Variants in PTPRD observed in about 807,000 individuals in gnomAD.
The protein encoded by PTPRD is receptor-type tyrosine-protein phosphatase delta.
Under a neutral mutation model 214.5 loss-of-function variants are expected in PTPRD, and 34 were observed. The observed-to-expected ratio is 0.16, with a 90% CI of 0.12 to 0.21. The LOEUF is 0.21. Among genes scored for constraint, PTPRD ranks in the 10% least tolerant of loss-of-function variants. The probability of loss-of-function intolerance (pLI) is 1.00; values close to 1 mark genes in which losing one functional copy is unlikely to be tolerated. For missense variants in PTPRD, 2,545 were observed against 2,398.7 expected, an observed-to-expected ratio of 1.06 and a Z score of -1.27; for synonymous variants, 1,128 against 845.7, an observed-to-expected ratio of 1.33 and a Z score of -5.79.
intron 4 of PTPRD, among the ~76,000 whole-genome samples, chr9:9,985,310 T>C (rs576253005): frequency 6.6e-6 from 1 of 152,352 alleles, no homozygotes; most frequent in South Asian, 2.1e-4. Context: ...TTTTTCATGA[T>C]TTTATAATTT....
At chr9:8,622,501 A>T (rs2095853761) in intron 14 of PTPRD, among the ~76,000 whole-genome samples, 1 of 151,976 alleles carries the variant, frequency 6.6e-6, no homozygotes, top group Non-Finnish European at 1.5e-5. Flanking sequence ...AGACTTTATT[A>T]TCTCCAACCA....
intron 4 of PTPRD, among the ~76,000 whole-genome samples, chr9:9,967,228 T>G (rs2094767957): frequency 6.6e-6 from 1 of 152,188 alleles, no homozygotes; most frequent in South Asian, 2.1e-4. Context: ...ATAAAAATAG[T>G]GCCTCCCTCA....
At chr9:8,590,688 G>A (rs931747699) in intron 14 of PTPRD, among the ~76,000 whole-genome samples, 1 of 152,142 alleles carries the variant, frequency 6.6e-6, no homozygotes, top group Non-Finnish European at 1.5e-5. Context: ...TTGGTGTGAA[G>A]AGCAGGGGTC....
intron 14 of PTPRD, among the ~76,000 whole-genome samples, chr9:8,566,657 C>A (rs150450076): frequency 1.3e-5 from 2 of 152,084 alleles, no homozygotes; most frequent in Admixed American, 6.6e-5. Flanking sequence ...TGATCCTCAG[C>A]GCCTAGCAAT....
rs184173216 is a variant in PTPRD at position 8,526,313 on chromosome 9, A to C, written c.568+314T>G. Reference sequence around the variant, plus strand: ...GGAAAAAGGAAGAAGAAGAAAAGGAAAAAAAAAGAGGGACAGATGGTACGC... The same window carrying C: ...GGAAAAAGGAAGAAGAAGAAAAGGACAAAAAAAGAGGGACAGATGGTACGC... On this transcript the variant is annotated intron_variant, in intron 17 of 45. Coordinates refer to ENST00000381196, the MANE Select transcript of PTPRD (RefSeq NM_002839.4). Among the ~76,000 whole-genome samples, 6 of 151,772 alleles carry C rather than the reference A, an allele frequency of 4.0e-5. No homozygotes were observed. In the East Asian group the frequency reaches 1.2e-3, roughly 29 times the overall value.
intron 3 of PTPRD, among the ~76,000 whole-genome samples, chr9:10,072,064 A>G (rs291318): frequency 0.12 from 17,868 of 151,902 alleles, 1,969 homozygotes; most frequent in African/African-American, 0.29. Context: ...GAAGAAAAAG[A>G]TTAAACATAG....
chr9:10,057,484 A>G (rs2097676116), intron 3 of PTPRD, among the ~76,000 whole-genome samples: 1 of 141,264 alleles, frequency 7.1e-6, no homozygotes, highest in Non-Finnish European at 1.5e-5. Context: ...TCATAGACCT[A>G]AGGACATTAA....
chr9:9,838,437 C>A (rs573223271), intron 5 of PTPRD, among the ~76,000 whole-genome samples: 3,792 of 151,146 alleles, frequency 0.025, 130 homozygotes, highest in African/African-American at 0.083. Flanking sequence ...CCTGTTGTTT[C>A]CTGACTTTTT....
chr9:9,060,935 C>G (rs1177453986), intron 10 of PTPRD, among the ~76,000 whole-genome samples: 1 of 152,146 alleles, frequency 6.6e-6, no homozygotes. Context: ...AAGCAAATGA[C>G]TGACAGCTAC....
At chr9:9,112,835 T>A (rs1259711026) in intron 10 of PTPRD, among the ~76,000 whole-genome samples, 2 of 152,146 alleles carry the variant, frequency 1.3e-5, no homozygotes, top group African/African-American at 2.4e-5. Flanking sequence ...ATAGCAAATA[T>A]GTTTCGTATC....
intron 33 of PTPRD, among the ~76,000 whole-genome samples, chr9:8,454,155 C>T (rs1042339311): frequency 6.6e-6 from 1 of 152,094 alleles, no homozygotes; most frequent in East Asian, 1.9e-4. Flanking sequence ...TCAATATTTG[C>T]AGGATGTGAA....
At chr9:8,930,065 C>T (rs1245137173) in intron 11 of PTPRD, among the ~76,000 whole-genome samples, 1 of 151,706 alleles carries the variant, frequency 6.6e-6, no homozygotes, top group Admixed American at 6.6e-5. Flanking sequence ...CACCCATTAA[C>T]TCGTCATTTA....
Position 10,127,451 on chromosome 9 carries a change from G to A in PTPRD, c.-544-93661C>T, listed in dbSNP as rs578231547. ...CAACATCTTAGGTTGATCCTAGAGA[G>A]CAAGACAGACATATAATAAAGAAGA... On this transcript the variant is annotated intron_variant, in intron 3 of 45. Coordinates refer to ENST00000381196, the MANE Select transcript of PTPRD (RefSeq NM_002839.4). 3.3e-5 allele frequency among the ~76,000 whole-genome samples: 5 copies of A among 152,242 alleles called. No individual in the cohort carries two copies. In the South Asian group the frequency reaches 1.0e-3, roughly 32 times the overall value.
chr9:10,470,407 C>G (rs1042514572), intron 2 of PTPRD, among the ~76,000 whole-genome samples: 1 of 152,018 alleles, frequency 6.6e-6, no homozygotes, highest in Admixed American at 6.6e-5. Context: ...ATTTCAATGT[C>G]AAGTTTATAA....
chr9:10,543,127 C>A (rs2059481948), intron 2 of PTPRD, among the ~76,000 whole-genome samples: 1 of 151,982 alleles, frequency 6.6e-6, no homozygotes, highest in African/African-American at 2.4e-5. Context: ...TCAGGTGATC[C>A]ACCCTCCTTG....
chr9:9,301,262 C>A (rs954903624), intron 9 of PTPRD, among the ~76,000 whole-genome samples: 1 of 151,770 alleles, frequency 6.6e-6, no homozygotes, highest in African/African-American at 2.4e-5. Flanking sequence ...GCAACATAAT[C>A]AAGAGCTGTC....
chr9:10,273,289 C>T (rs994261722), intron 3 of PTPRD, among the ~76,000 whole-genome samples: 2 of 152,058 alleles, frequency 1.3e-5, no homozygotes, highest in African/African-American at 4.8e-5. Context: ...CATATTGCCA[C>T]ACCATGGGGT....
chr9:8,494,392 T>A (rs1169084686), intron 26 of PTPRD, among the ~76,000 whole-genome samples: 1 of 152,204 alleles, frequency 6.6e-6, no homozygotes. Context: ...AGAAATGTTG[T>A]ATTTCCAGGA....
intron 2 of PTPRD, among the ~76,000 whole-genome samples, chr9:10,542,383 A>G (rs1200541512): frequency 1.3e-5 from 2 of 152,198 alleles, no homozygotes; most frequent in African/African-American, 4.8e-5. Flanking sequence ...TACAAAACAT[A>G]AATCTTAAAT....
Sources: allele counts gnomAD v4.1 joint callset (sites outside exome capture counted in the v4.1 genomes callset), GRCh38; gene constraint gnomAD v4.1.1; transcripts MANE v1.5; gene names NCBI Gene and HGNC (gene_info 2026-07-23, HGNC 2026-07-21).